Variants in CLCN5 observed in about 807,000 individuals in gnomAD.
The protein encoded by CLCN5 is H(+)/Cl(-) exchange transporter 5.
CLCN5 carries 17 observed loss-of-function variants against 54.0 expected under a neutral mutation model. The ratio of observed to expected loss-of-function variants is 0.31; its 90% CI spans 0.22 to 0.47. CLCN5 has a LOEUF of 0.47. Ranked by LOEUF, CLCN5 falls within the 20% of genes least tolerant of loss-of-function variation. The pLI, the probability that CLCN5 is intolerant of heterozygous loss-of-function variation, is 1.00. For missense variants in CLCN5, 448 were observed against 646.7 expected, an observed-to-expected ratio of 0.69 and a Z score of 3.33; for synonymous variants, 222 against 233.0, an observed-to-expected ratio of 0.95 and a Z score of 0.43.
chrX:49,997,123 G>A (rs1482319274), intron 3 of CLCN5, among the ~76,000 whole-genome samples: 1 of 111,285 alleles, frequency 9.0e-6, no homozygotes, highest in Non-Finnish European at 1.9e-5. Context: ...TGTCCTCATT[G>A]TATCATACAG....
intron 4 of CLCN5, among the ~76,000 whole-genome samples, chrX:50,049,710 AT>A (rs1205860469): frequency 9.0e-6 from 1 of 111,593 alleles, no homozygotes; most frequent in East Asian, 2.8e-4. Context: ...CTCCTAAATG[AT>A]TTTTTTAATT....
intron 3 of CLCN5, among the ~76,000 whole-genome samples, chrX:50,018,632 T>A (rs1557183912): frequency 8.9e-6 from 1 of 112,116 alleles, no homozygotes; most frequent in Non-Finnish European, 1.9e-5. Flanking sequence ...TTCCCCTCTA[T>A]TCCTAGTTTA....
chrX:50,019,297 T>C (rs1247566108), intron 3 of CLCN5, among the ~76,000 whole-genome samples: 1 of 110,211 alleles, frequency 9.1e-6, no homozygotes, highest in Non-Finnish European at 1.9e-5. Flanking sequence ...CTCTATTTTA[T>C]TTTTTCCTTA....
chrX:49,976,972 C>T (rs1253109793), intron 3 of CLCN5, among the ~76,000 whole-genome samples: 1 of 111,371 alleles, frequency 9.0e-6, no homozygotes, highest in African/African-American at 3.3e-5. Context: ...TTTCTTAAGC[C>T]TCATTAAGGA....
At chrX:50,084,341 C>T (rs782296905) in intron 9 of CLCN5, among the ~76,000 whole-genome samples, 2 of 111,296 alleles carry the variant, frequency 1.8e-5, no homozygotes, top group East Asian at 2.8e-4. Flanking sequence ...AACGTTGTTA[C>T]GTGGTGCGTG....
intron 3 of CLCN5, among the ~76,000 whole-genome samples, chrX:49,930,146 A>G (rs1925570037): frequency 8.9e-6 from 1 of 111,960 alleles, no homozygotes. Flanking sequence ...TCTCAGTAGC[A>G]GTCAAATAAA....
chrX:50,066,803 T>A (rs782527064), intron 4 of CLCN5, among the ~76,000 whole-genome samples: 8 of 112,441 alleles, frequency 7.1e-5, no homozygotes, highest in African/African-American at 2.6e-4. Context: ...AAACAACTCA[T>A]TTTCTTGACT....
chrX:50,081,876 T>A (rs1162168211), intron 9 of CLCN5, 29 bp downstream of exon 9: 1 of 1,147,643 alleles, frequency 8.7e-7, no homozygotes, highest in South Asian at 1.9e-5. Context: ...AATAGTCTCT[T>A]TTTGGTTGTG....
In CLCN5 at chrX:49,956,806, C is replaced by T. The variant is rs187963520; in HGVS notation, c.16+31492C>T. On this transcript the variant is annotated intron_variant, in intron 3 of 14. Coordinates refer to ENST00000376091, the MANE Select transcript of CLCN5 (RefSeq NM_001127898.4). ...TATCTTTTAAAAACTGCATACTTTG[C>T]GTTCCTTCTAGCGTTCTTTATATGA... Among the ~76,000 whole-genome samples, 9 of 111,953 alleles carry T rather than the reference C, an allele frequency of 8.0e-5. No individual in the cohort carries two copies. The East Asian group carries it at 2.0e-3, about 24-fold the overall frequency.
intron 3 of CLCN5, among the ~76,000 whole-genome samples, chrX:49,998,475 C>A (rs1346195628): frequency 2.7e-5 from 3 of 111,831 alleles, no homozygotes; most frequent in Non-Finnish European, 3.8e-5. Flanking sequence ...TTGAGCAGAT[C>A]CACACAAAAT....
At chrX:49,924,145 A>ATTTTTTTTTTTTT (rs34424526) in intron 2 of CLCN5, among the ~76,000 whole-genome samples, 9 of 84,475 alleles carry the variant, frequency 1.1e-4, no homozygotes, top group African/African-American at 4.0e-4. Flanking sequence ...CCTAGCTCCT[A>ATTTTTTTTTTTTT]TTTTTTTTTT....
At chrX:50,025,507 A>G (rs1931328044) in intron 3 of CLCN5, among the ~76,000 whole-genome samples, 1 of 110,715 alleles carries the variant, frequency 9.0e-6, no homozygotes. Context: ...TCCTCCCCCT[A>G]CATTAGCCCC....
At chrX:50,066,261 A>G (rs948724626) in intron 4 of CLCN5, among the ~76,000 whole-genome samples, 8 of 107,598 alleles carry the variant, frequency 7.4e-5, no homozygotes, top group Admixed American at 4.9e-4. Context: ...TTTTACAGCA[A>G]TGTAGCTCAT....
chrX:49,981,985 C>G (rs1403524933), intron 3 of CLCN5, among the ~76,000 whole-genome samples: 2 of 110,760 alleles, frequency 1.8e-5, no homozygotes, highest in Non-Finnish European at 3.8e-5. Flanking sequence ...GGCAGTTACT[C>G]TTTTCCCTTT....
At chrX:49,980,613 G>A (rs1928685094) in intron 3 of CLCN5, among the ~76,000 whole-genome samples, 1 of 111,966 alleles carries the variant, frequency 8.9e-6, no homozygotes, top group Non-Finnish European at 1.9e-5. Flanking sequence ...TATATAAAAT[G>A]CCAATGACTG....
chrX:49,936,372 G>A (rs919770448), intron 3 of CLCN5, among the ~76,000 whole-genome samples: 1 of 111,512 alleles, frequency 9.0e-6, no homozygotes, highest in Non-Finnish European at 1.9e-5. Flanking sequence ...TATGGGTAGT[G>A]GTGCCAGGAG....
intron 3 of CLCN5, among the ~76,000 whole-genome samples, chrX:49,947,882 C>T (rs1039468299): frequency 9.9e-5 from 11 of 110,830 alleles, no homozygotes; most frequent in African/African-American, 2.6e-4. Flanking sequence ...TTTTAAGAAG[C>T]CTCTTTCTGA....
At chrX:49,982,825 C>T (rs965660860) in intron 3 of CLCN5, among the ~76,000 whole-genome samples, 2 of 111,682 alleles carry the variant, frequency 1.8e-5, no homozygotes, top group Non-Finnish European at 3.8e-5. Flanking sequence ...CACTGGGATA[C>T]GGTTTTTTGT....
chrX:49,982,932 C>G (rs782772338), intron 3 of CLCN5, among the ~76,000 whole-genome samples: 2 of 111,835 alleles, frequency 1.8e-5, no homozygotes, highest in Admixed American at 1.9e-4. Context: ...TAAATAATAT[C>G]ACATAGATTC....
Sources: gnomAD v4.1 joint callset for allele counts (sites outside exome capture counted in the v4.1 genomes callset) on GRCh38, gnomAD v4.1.1 for gene constraint, MANE v1.5 for transcripts, NCBI Gene and HGNC (gene_info 2026-07-23, HGNC 2026-07-21) for gene names.